ESRRG: variants seen among roughly 807,000 people sequenced by gnomAD.
ESRRG encodes estrogen-related receptor gamma.
Under a neutral mutation model 44.0 loss-of-function variants are expected in ESRRG, and 13 were observed. The ratio of observed to expected loss-of-function variants is 0.30; its 90% CI spans 0.19 to 0.47. The LOEUF is 0.47. ESRRG is among the 20% of genes least tolerant of loss of function. The probability of loss-of-function intolerance (pLI) is 1.00; values close to 1 mark genes in which losing one functional copy is unlikely to be tolerated. For synonymous variants in ESRRG, 215 were observed against 214.6 expected (o/e 1.00, Z -0.02); for missense variants, 395 against 580.6 (o/e 0.68, Z 3.29).
At chr1:216,726,410 C>A (rs756717150), upstream of ESRRG, among the ~76,000 whole-genome samples, 7 of 152,080 alleles carry the variant, frequency 4.6e-5, no homozygotes, top group South Asian at 2.1e-4. Context: ...TCTCAAGAAA[C>A]TTCCCTGGTC....
chr1:216,915,828 C>T (rs2061090927), intron 2 of ESRRG, among the ~76,000 whole-genome samples: 2 of 152,278 alleles, frequency 1.3e-5, no homozygotes, highest in South Asian at 2.1e-4. Flanking sequence ...GGTATCACAG[C>T]GTCCTTCTTC....
intron 2 of ESRRG, among the ~76,000 whole-genome samples, chr1:216,900,960 C>A (rs541203114): frequency 6.6e-6 from 1 of 152,152 alleles, no homozygotes; most frequent in South Asian, 2.1e-4. Flanking sequence ...ATGCAGGGAG[C>A]CCAAATTTCT....
intron 1 of ESRRG, among the ~76,000 whole-genome samples, chr1:217,103,367 C>T (rs886717887): frequency 1.3e-4 from 20 of 151,682 alleles, no homozygotes; most frequent in African/African-American, 4.4e-4. Context: ...GATTTTAGGC[C>T]GGGCACCATG....
chr1:216,853,352 G>C (rs774093682), intron 2 of ESRRG, among the ~76,000 whole-genome samples: 1 of 152,118 alleles, frequency 6.6e-6, no homozygotes, highest in Non-Finnish European at 1.5e-5. Context: ...ATTATGCCAC[G>C]TCCAACTTCA....
chr1:216,772,439 C>A (rs969498036), intron 2 of ESRRG, among the ~76,000 whole-genome samples: 4 of 152,104 alleles, frequency 2.6e-5, no homozygotes, highest in Non-Finnish European at 4.4e-5. Flanking sequence ...CTTTTAAAAA[C>A]TTCTAGATGT....
chr1:216,846,118 CA>C (rs2095743098), intron 2 of ESRRG, among the ~76,000 whole-genome samples: 1 of 152,138 alleles, frequency 6.6e-6, no homozygotes, highest in Admixed American at 6.5e-5. Context: ...CCCTAAATAA[CA>C]ACTTCATAGT....
In ESRRG at chr1:216,567,992, C is replaced by A. The variant is rs79583553; in HGVS notation, c.696G>T (p.Lys232Asn). ...AGACACATCTGCTGTACTTACATGG[C>A]TTTTTGGCTGGCTGAACCAGCTGAG... ...LNPQLVQPAKKPYNKIVSHLL... is the reference protein window; with the variant it reads ...LNPQLVQPAKNPYNKIVSHLL... Residue 232 changes from lysine (K) to asparagine (N), a missense_variant, in exon 4 of 7, where the codon AAG becomes AAT. Around this residue, in one of 5 missense-constraint regions of ESRRG, gnomAD observed 37 missense variants for 32.9 expected, o/e 1.13. Transcript: ENST00000408911. The A allele has an allele frequency of 1.9e-6, 3 of 1,608,606 alleles. No homozygotes were observed. Among genetic ancestry groups the A allele is most frequent in the Non-Finnish European group, 2.6e-6 (3 of 1,175,122 alleles).
At position 217,012,311 on chromosome 1, in the gene ESRRG, G is replaced by A. The variant is rs2078739722; in HGVS notation, c.-105-72638C>T. On this transcript the variant is annotated intron_variant, in intron 1 of 7. Coordinates refer to the ESRRG transcript ENST00000359162. The stretch of plus-strand genomic sequence containing the variant: ...AACTTGAAAGTGTTTATGCCCATAA[G>A]AGGTATGCAATCAATATCTGCAAAT... 3.3e-5 allele frequency among the ~76,000 whole-genome samples: 5 copies of A among 152,124 alleles called. No individual in the cohort carries two copies. The South Asian group carries it at 1.0e-3, about 32-fold the overall frequency.
At chr1:216,871,344 A>C (rs1339511989) in intron 2 of ESRRG, among the ~76,000 whole-genome samples, 3 of 151,966 alleles carry the variant, frequency 2.0e-5, no homozygotes, top group Non-Finnish European at 4.4e-5. Flanking sequence ...AACATATTTT[A>C]TATTATTTCA....
intron 2 of ESRRG, chr1:216,939,457 ACAC>A (rs2064839867): frequency 6.6e-6 from 1 of 151,954 alleles, no homozygotes; most frequent in South Asian, 2.1e-4. Context: ...ATACTAGCCA[ACAC>A]CACAATAGTA....
chr1:216,695,842 T>C (rs1559275063), intron 1 of ESRRG, among the ~76,000 whole-genome samples: 2 of 152,330 alleles, frequency 1.3e-5, no homozygotes, highest in South Asian at 4.1e-4. Context: ...GTGGTTAGCA[T>C]GGGGACTCAC....
intron 2 of ESRRG, among the ~76,000 whole-genome samples, chr1:216,801,337 A>G (rs570103640): frequency 6.6e-6 from 1 of 152,252 alleles, no homozygotes; most frequent in East Asian, 1.9e-4. Flanking sequence ...CACAGTAGCT[A>G]TGGCTACAGG....
intron 2 of ESRRG, among the ~76,000 whole-genome samples, chr1:216,881,778 C>G (rs975122736): frequency 4.6e-5 from 7 of 152,112 alleles, no homozygotes; most frequent in African/African-American, 1.7e-4. Context: ...GTTATGGACA[C>G]ATTCAAGCAA....
chr1:216,870,516 T>C (rs1189250925), intron 2 of ESRRG, among the ~76,000 whole-genome samples: 2 of 151,998 alleles, frequency 1.3e-5, no homozygotes, highest in African/African-American at 4.8e-5. Flanking sequence ...TCTTCTGGCC[T>C]CGTAAAATGA....
At chr1:216,966,955 C>T (rs1427671638) in intron 1 of ESRRG, among the ~76,000 whole-genome samples, 2 of 152,142 alleles carry the variant, frequency 1.3e-5, no homozygotes, top group Non-Finnish European at 1.5e-5. Context: ...GCATCTCATG[C>T]CACAACCCTC....
rs898815742 is a variant in ESRRG, at chr1:216,795,348, T to C, written c.-13-117857A>G. Among the ~76,000 whole-genome samples the C allele has an allele frequency of 2.0e-4, 29 of 144,570 alleles. No homozygotes were observed. The South Asian group carries it at 2.0e-3, about 10-fold the overall frequency. 94.8% of individuals were successfully genotyped at this position (144,570 alleles called of 152,430 possible). A position where few individuals can be genotyped will look rare whatever the true frequency, so the allele number is the denominator to read the frequency against. On this transcript the variant is annotated intron_variant, in intron 2 of 7. Transcript: ENST00000359162. ...TTATGGTTTTTTTCTTTTTCTTTTT[T>C]TTTTTTTTTTTTTGAGCCAGAGTCT...
chr1:217,002,496 A>G (rs1268132975), intron 1 of ESRRG, among the ~76,000 whole-genome samples: 1 of 152,056 alleles, frequency 6.6e-6, no homozygotes, highest in Non-Finnish European at 1.5e-5. Context: ...TTACACATAT[A>G]CAGTATATTA....
At chr1:217,071,109 T>G (rs182948723) in intron 1 of ESRRG, among the ~76,000 whole-genome samples, 1 of 152,302 alleles carries the variant, frequency 6.6e-6, no homozygotes, top group African/African-American at 2.4e-5. Context: ...AGAATTAAAT[T>G]TGAGTTCTGT....
At chr1:216,871,435 A>T (rs115664685) in intron 2 of ESRRG, among the ~76,000 whole-genome samples, 2 of 152,032 alleles carry the variant, frequency 1.3e-5, no homozygotes, top group Non-Finnish European at 2.9e-5. Context: ...CTTGAAAAGC[A>T]TGTGTATTTT....
Sources: allele counts gnomAD v4.1 joint callset (sites outside exome capture counted in the v4.1 genomes callset), GRCh38; gene constraint gnomAD v4.1.1; regional missense constraint gnomAD v4.1.1; transcripts MANE v1.5; gene names NCBI Gene and HGNC (gene_info 2026-07-23, HGNC 2026-07-21).